The following MAP3K15 variants were observed in gnomAD, a reference collection of about 807,000 sequenced individuals.
MAP3K15 encodes the protein mitogen-activated protein kinase kinase kinase 15, also known as MAPK/ERK kinase kinase 15.
MAP3K15 carries 124 observed loss-of-function variants against 99.5 expected under a neutral mutation model. The ratio of observed to expected loss-of-function variants is 1.25; its 90% CI spans 1.08 to 1.45. MAP3K15 has a LOEUF of 1.45. MAP3K15 is among the 40% of genes most tolerant of loss of function. The pLI is 0.00. For missense variants in MAP3K15, 1,242 were observed against 1,079.7 expected, an observed-to-expected ratio of 1.15 and a Z score of -2.11; for synonymous variants, 494 against 439.6, an observed-to-expected ratio of 1.12 and a Z score of -1.55.
intron 15 of MAP3K15, among the ~76,000 whole-genome samples, chrX:19,395,589 G>T (rs940286567): frequency 1.8e-5 from 2 of 111,406 alleles, no homozygotes; most frequent in Non-Finnish European, 3.8e-5. Context: ...GGAAGGTTCT[G>T]CCCTCAGCTG....
intron 4 of MAP3K15, among the ~76,000 whole-genome samples, chrX:19,461,990 A>T (rs1298988001): frequency 2.2e-5 from 2 of 90,087 alleles, no homozygotes; most frequent in African/African-American, 1.0e-4. Flanking sequence ...GACTTGGTCT[A>T]AAACACACAC....
intron 3 of MAP3K15, among the ~76,000 whole-genome samples, chrX:19,465,830 G>GGTGTGTGT (rs10589040): frequency 0.035 from 3,286 of 93,962 alleles, 131 homozygotes; most frequent in African/African-American, 0.11. Flanking sequence ...GGTGTGTAGG[G>GGTGTGTGT]GTGTGTGTGT....
chrX:19,383,846 C>T lies in MAP3K15; in HGVS notation c.2432-3569G>A, dbSNP rs143710864. 7.6e-3 allele frequency among the ~76,000 whole-genome samples: 845 copies of T among 111,031 alleles called. 8 individuals are homozygous for T. Among genetic ancestry groups the T allele is most frequent in the Middle Eastern group, 0.028 (6 of 217 alleles). ...AAAGACAGGCAATAACAAATGCGGG[C>T]GAGGATGTGGAGAAAAGGGAACCCT... On this transcript the variant is annotated intron_variant, in intron 18 of 28. Coordinates refer to ENST00000338883, the MANE Select transcript of MAP3K15 (RefSeq NM_001001671.4).
chrX:19,414,290 A>G (rs989238809), intron 10 of MAP3K15: 1 of 128,972 alleles, frequency 7.8e-6, no homozygotes, highest in Non-Finnish European at 1.5e-5. Context: ...TGTCTGCTCC[A>G]TTATTTTTTT....
chrX:19,416,759 A>G (rs1244433585), intron 9 of MAP3K15, among the ~76,000 whole-genome samples: 1 of 111,810 alleles, frequency 8.9e-6, no homozygotes, highest in Non-Finnish European at 1.9e-5. Flanking sequence ...ATAAAATACA[A>G]AATATTGTTT....
intron 1 of MAP3K15, 59 bp downstream of exon 1, chrX:19,514,842 C>A: frequency 1.6e-6 from 1 of 636,737 alleles, no homozygotes; most frequent in Non-Finnish European, 2.1e-6. Flanking sequence ...GGGGCGGGTG[C>A]CCTGGCTCGT....
Position 19,393,659 on chromosome X carries a change from C to T in MAP3K15, c.2195-1186G>A, listed in dbSNP as rs886563146. ...TCTCAAAAAAAAAAAGAAAAAGCAG[C>T]AATGGACGAGTTTTCTGATAGACTA... On this transcript the variant is annotated intron_variant, in intron 16 of 28. Coordinates refer to ENST00000338883, the MANE Select transcript of MAP3K15 (RefSeq NM_001001671.4). 5.6e-5 allele frequency among the ~76,000 whole-genome samples: 6 copies of T among 107,836 alleles called. 1 individual carries two copies. Among genetic ancestry groups the T allele is most frequent in the African/African-American group, 2.0e-4 (6 of 29,537 alleles). The allele number at this position is 107,836 out of a possible 115,157, so 93.6% of individuals were successfully genotyped here.
intron 12 of MAP3K15, among the ~76,000 whole-genome samples, chrX:19,408,364 A>G (rs2063662291): frequency 8.9e-6 from 1 of 112,235 alleles, no homozygotes; most frequent in African/African-American, 3.2e-5. Flanking sequence ...ACATTTTTGA[A>G]AATCTTCACA....
intron 7 of MAP3K15, among the ~76,000 whole-genome samples, chrX:19,428,825 C>T (rs928990323): frequency 2.7e-5 from 3 of 110,917 alleles, no homozygotes; most frequent in Non-Finnish European, 1.9e-5. Flanking sequence ...AAAAATTAGC[C>T]GGGCATGGTG....
chrX:19,488,867 C>T lies in MAP3K15; in HGVS notation c.462G>A (p.Leu154=). The part of the protein sequence containing the change: ...ESFDMANNVI[L]YHDTDADTAL... The stretch of plus-strand genomic sequence containing the variant: ...CAGTGTCGGCATCGGTGTCATGGTA[C>T]AAGATCACATTATTGGCCATGTCAA... The change falls in exon 2 of 29, where the codon TTG becomes TTA. Residue 154 remains leucine (L), a synonymous_variant. Transcript: ENST00000338883. The T allele has an allele frequency of 2.5e-6, 3 of 1,199,425 alleles. No individual in the cohort carries two copies. The highest frequency in any genetic ancestry group is 3.4e-6 in the Non-Finnish European group (3 of 894,578).
At position 19,435,247 on chromosome X, in the gene MAP3K15, T is replaced by C. The variant is rs80344477; in HGVS notation, c.996-3639A>G. Among the ~76,000 whole-genome samples, 716 of 108,922 alleles carry C rather than the reference T, an allele frequency of 6.6e-3. 4 individuals are homozygous for C. Among genetic ancestry groups the C allele is most frequent in the Middle Eastern group, 0.023 (5 of 214 alleles). The allele number at this position is 108,922 out of a possible 115,157, so 94.6% of individuals were successfully genotyped here. A position where few individuals can be genotyped will look rare whatever the true frequency, so the allele number is the denominator to read the frequency against. On this transcript the variant is annotated intron_variant, in intron 6 of 28. Coordinates refer to ENST00000338883, the MANE Select transcript of MAP3K15 (RefSeq NM_001001671.4). ...CACTTGAATGCTTTTTTTTTTTTTT[T>C]CTCTTTGAGACAGGGTCGCCCAGGC...
chrX:19,437,081 T>C (rs1242093680), intron 6 of MAP3K15, among the ~76,000 whole-genome samples: 1 of 112,025 alleles, frequency 8.9e-6, no homozygotes, highest in African/African-American at 3.2e-5. Flanking sequence ...CCAAAAACTT[T>C]GCAGTCATGT....
chrX:19,475,407 G>A (rs191011204), intron 3 of MAP3K15, among the ~76,000 whole-genome samples: 107 of 111,146 alleles, frequency 9.6e-4, no homozygotes, highest in African/African-American at 3.0e-3. Context: ...CGGCCCGGTC[G>A]GGTGGCCCAG....
At chrX:19,501,082 C>T (rs1476225434) in intron 1 of MAP3K15, among the ~76,000 whole-genome samples, 1 of 111,303 alleles carries the variant, frequency 9.0e-6, no homozygotes, top group Non-Finnish European at 1.9e-5. Context: ...GGAAGGGCCC[C>T]TATGGACAAG....
At chrX:19,377,459 G>A (rs2063427268) in intron 19 of MAP3K15, among the ~76,000 whole-genome samples, 1 of 110,994 alleles carries the variant, frequency 9.0e-6, no homozygotes, top group Non-Finnish European at 1.9e-5. Context: ...CAGGAGAATC[G>A]CTTGAACCCG....
intron 7 of MAP3K15, among the ~76,000 whole-genome samples, chrX:19,431,180 C>T (rs762903315): frequency 9.9e-5 from 11 of 111,420 alleles, no homozygotes; most frequent in African/African-American, 2.6e-4. Flanking sequence ...AGTGGGAGCT[C>T]GGAAGGAGTG....
At chrX:19,489,614 C>T (rs984421170) in intron 1 of MAP3K15, among the ~76,000 whole-genome samples, 1 of 111,151 alleles carries the variant, frequency 9.0e-6, no homozygotes, top group Non-Finnish European at 1.9e-5. Context: ...CGGGGAGCTG[C>T]TTTCCCCCTT....
intron 6 of MAP3K15, among the ~76,000 whole-genome samples, chrX:19,455,146 G>C (rs2064082815): frequency 9.1e-6 from 1 of 110,401 alleles, no homozygotes; most frequent in African/African-American, 3.3e-5. Context: ...GACCCCGTCT[G>C]GCCCTATTAA....
At chrX:19,470,405 GT>G (rs1383451138) in intron 3 of MAP3K15, among the ~76,000 whole-genome samples, 1 of 110,509 alleles carries the variant, frequency 9.0e-6, no homozygotes, top group East Asian at 2.9e-4. Flanking sequence ...ATGTTGTGGG[GT>G]GGGGGGAGCA....
Sources: allele counts gnomAD v4.1 joint callset (sites outside exome capture counted in the v4.1 genomes callset), GRCh38; gene constraint gnomAD v4.1.1; transcripts MANE v1.5; gene names NCBI Gene and HGNC (gene_info 2026-07-23, HGNC 2026-07-21).